The following TBC1D9 variants were observed in gnomAD, a reference collection of about 807,000 sequenced individuals.
The protein encoded by TBC1D9 is TBC1 domain family member 9.
TBC1D9 carries 63 observed loss-of-function variants against 132.0 expected under a neutral mutation model. The observed-to-expected ratio is 0.48, with a 90% CI of 0.39 to 0.59. TBC1D9 has a LOEUF of 0.59. Among genes scored for constraint, TBC1D9 ranks in the 20% least tolerant of loss-of-function variants. TBC1D9 has a pLI of 0.00. For synonymous variants in TBC1D9, 610 were observed against 609.9 expected (o/e 1.00, Z 0.00); for missense variants, 1,261 against 1,592.7 (o/e 0.79, Z 3.54).
intron 1 of TBC1D9, among the ~76,000 whole-genome samples, chr4:140,712,537 T>C (rs1264819201): frequency 6.9e-6 from 1 of 145,872 alleles, no homozygotes; most frequent in Admixed American, 7.0e-5. Flanking sequence ...GGTCAAGAGT[T>C]CGAGACCAGC....
At position 140,670,819 on chromosome 4, in the gene TBC1D9, GTCTC is replaced by G; in HGVS notation, c.1163_1166del (p.Arg388ThrfsTer3). The G allele has an allele frequency of 6.2e-7, 1 of 1,614,014 alleles. No homozygotes were observed. Among genetic ancestry groups the G allele is most frequent in the Non-Finnish European group, 8.5e-7 (1 of 1,179,886 alleles). ...AATCTGAGATCCTCTGCACTAGAAA[GTCTC>G]TATCTTTCAAGTTGGCAAATAGGAA... On this transcript the variant is annotated frameshift_variant, in exon 7 of 21. Coordinates refer to ENST00000442267, the MANE Select transcript of TBC1D9 (RefSeq NM_015130.3). LOFTEE classifies it high-confidence loss of function.
intron 3 of TBC1D9, among the ~76,000 whole-genome samples, chr4:140,684,972 T>C (rs1737758221): frequency 2.0e-5 from 3 of 152,080 alleles, no homozygotes; most frequent in Admixed American, 2.0e-4. Flanking sequence ...ACAGAATCCA[T>C]GATTCCATGT....
chr4:140,727,076 C>T (rs1560897643), intron 1 of TBC1D9, among the ~76,000 whole-genome samples: 1 of 152,152 alleles, frequency 6.6e-6, no homozygotes, highest in Non-Finnish European at 1.5e-5. Context: ...GCATTCTTAA[C>T]ATCATAACAA....
intron 5 of TBC1D9, among the ~76,000 whole-genome samples, chr4:140,677,490 C>G (rs1168816085): frequency 6.6e-6 from 1 of 152,142 alleles, no homozygotes; most frequent in African/African-American, 2.4e-5. Context: ...AGAATGCAAA[C>G]CAGCCATATA....
intron 1 of TBC1D9, among the ~76,000 whole-genome samples, chr4:140,734,565 G>A (rs113464874): frequency 0.01 from 1,537 of 152,276 alleles, 22 homozygotes; most frequent in African/African-American, 0.034. Context: ...GCTGAGATTG[G>A]AAGATTGTTT....
chr4:140,709,248 T>TCTCTCTCTCACACACACACA (rs1382500714), intron 1 of TBC1D9, among the ~76,000 whole-genome samples: 1 of 104,148 alleles, frequency 9.6e-6, no homozygotes, highest in African/African-American at 4.4e-5. Flanking sequence ...TCTCTCTCTC[T>TCTCTCTCTCACACACACACA]CACACACACA....
intron 2 of TBC1D9, among the ~76,000 whole-genome samples, chr4:140,698,053 A>G (rs1296402248): frequency 6.6e-6 from 1 of 152,102 alleles, no homozygotes; most frequent in African/African-American, 2.4e-5. Context: ...GGCTCTCCCT[A>G]ACTTTTAACT....
chr4:140,732,767 G>A (rs564728418), intron 1 of TBC1D9, among the ~76,000 whole-genome samples: 1 of 152,124 alleles, frequency 6.6e-6, no homozygotes, highest in South Asian at 2.1e-4. Context: ...TTTTTTTGGT[G>A]GAAAGGGTGA....
At chr4:140,731,146 T>C (rs753250569) in intron 1 of TBC1D9, among the ~76,000 whole-genome samples, 3 of 152,160 alleles carry the variant, frequency 2.0e-5, no homozygotes, top group Non-Finnish European at 4.4e-5. Flanking sequence ...TGCCTGTGTT[T>C]ACATACCACC....
intron 10 of TBC1D9, among the ~76,000 whole-genome samples, chr4:140,661,500 A>G (rs1278647736): frequency 6.6e-6 from 1 of 152,206 alleles, no homozygotes; most frequent in African/African-American, 2.4e-5. Context: ...AGGTTGAGGC[A>G]GACAGTGATC....
At chr4:140,678,788 GGTAGCACCTCAGCTA>G (rs1426681242) in intron 5 of TBC1D9, among the ~76,000 whole-genome samples, 139 bp downstream of exon 5, 1 of 152,162 alleles carries the variant, frequency 6.6e-6, no homozygotes, top group Non-Finnish European at 1.5e-5. Context: ...TTTCTGAACT[GGTAGCACCTCAGCTA>G]GTCTTTTTTA....
rs547618277 is a variant in TBC1D9 at position 140,631,973 on chromosome 4, C to A, written c.2746+1975G>T. ...TTCCCATCTCCATAACTATAACTGACCAATGTAACTGACAACAGCTCTGCA... is the reference window on the plus strand; with the variant it reads ...TTCCCATCTCCATAACTATAACTGAACAATGTAACTGACAACAGCTCTGCA... On this transcript the variant is annotated intron_variant, in intron 16 of 20. Coordinates refer to ENST00000442267, the MANE Select transcript of TBC1D9 (RefSeq NM_015130.3). Among the ~76,000 whole-genome samples, 16 of 152,276 alleles carry A rather than the reference C, an allele frequency of 1.1e-4. No homozygotes were observed. The East Asian group carries it at 3.1e-3, about 29-fold the overall frequency.
chr4:140,631,131 C>T (rs1736788260), intron 16 of TBC1D9, among the ~76,000 whole-genome samples: 1 of 152,222 alleles, frequency 6.6e-6, no homozygotes, highest in South Asian at 2.1e-4. Flanking sequence ...GGCTGCATCA[C>T]AACTCATTAT....
intron 1 of TBC1D9, among the ~76,000 whole-genome samples, chr4:140,746,892 C>T (rs1312757797): frequency 4.6e-5 from 7 of 152,054 alleles, no homozygotes; most frequent in South Asian, 4.2e-4. Flanking sequence ...ATAGGACGGG[C>T]GCAGTGGCTC....
chr4:140,685,551 T>C (rs1167646057), intron 3 of TBC1D9, among the ~76,000 whole-genome samples: 1 of 152,082 alleles, frequency 6.6e-6, no homozygotes, highest in East Asian at 1.9e-4. Context: ...ACTAAAGACA[T>C]GAAAACTAAA....
intron 13 of TBC1D9, among the ~76,000 whole-genome samples, chr4:140,649,168 C>A (rs1737148800): frequency 6.6e-6 from 1 of 152,176 alleles, no homozygotes. Context: ...AAACACCCAG[C>A]AAAGCAACAA....
At chr4:140,648,162 G>A in intron 13 of TBC1D9, among the ~76,000 whole-genome samples, 1 of 152,166 alleles carries the variant, frequency 6.6e-6, no homozygotes, top group Non-Finnish European at 1.5e-5. Context: ...TGTGCTGGAG[G>A]TGAGGGAGCC....
In TBC1D9 at chr4:140,679,544, G is replaced by A. The variant is rs1737674365; in HGVS notation, c.589+71C>T. 6.7e-6 allele frequency: 7 copies of A among 1,052,148 alleles called. No homozygotes were observed. The Admixed American group carries it at 1.0e-4, about 15-fold the overall frequency. 65.2% of individuals were successfully genotyped at this position (1,052,148 alleles called of 1,614,324 possible). A position where few individuals can be genotyped will look rare whatever the true frequency, so the allele number is the denominator to read the frequency against. ...ATAGATTTATTTCTGATATTTTGAT[G>A]TGGTTTATGAGTTCAGGGCAAACCT... On this transcript the variant is annotated intron_variant, in intron 4 of 20. Transcript: ENST00000442267.
chr4:140,675,369 A>G (rs1051647564), intron 6 of TBC1D9, among the ~76,000 whole-genome samples: 1 of 152,204 alleles, frequency 6.6e-6, no homozygotes, highest in Non-Finnish European at 1.5e-5. Flanking sequence ...GGATGTTAGC[A>G]AGGGGACAAT....
Sources: gnomAD v4.1 joint callset for allele counts (sites outside exome capture counted in the v4.1 genomes callset) on GRCh38, gnomAD v4.1.1 for gene constraint, MANE v1.5 for transcripts, NCBI Gene and HGNC (gene_info 2026-07-23, HGNC 2026-07-21) for gene names.